OSTN: variants seen among roughly 807,000 people sequenced by gnomAD.
OSTN encodes the protein osteocrin.
OSTN carries 9 observed loss-of-function variants against 12.0 expected under a neutral mutation model. That is an observed-to-expected ratio of 0.75 (90% CI 0.45 to 1.30). The LOEUF is 1.30. OSTN is among the 50% of genes most tolerant of loss of function. The pLI is 0.00. For synonymous variants in OSTN, 59 were observed against 56.9 expected, an observed-to-expected ratio of 1.04 and a Z score of -0.16; for missense variants, 148 against 152.3, an observed-to-expected ratio of 0.97 and a Z score of 0.15.
intron 4 of OSTN, among the ~76,000 whole-genome samples, chr3:191,259,499 A>ATTT (rs34400942): frequency 2.7e-5 from 4 of 149,418 alleles, no homozygotes; most frequent in African/African-American, 9.8e-5. Context: ...CCTTGCCTGG[A>ATTT]TTTTTTTTTT....
chr3:191,211,572 G>A, intron 1 of OSTN, among the ~76,000 whole-genome samples: 1 of 152,054 alleles, frequency 6.6e-6, no homozygotes, highest in Non-Finnish European at 1.5e-5. Context: ...CAACTTTTTT[G>A]TAAAGCATCC....
intron 3 of OSTN, among the ~76,000 whole-genome samples, chr3:191,239,429 T>C (rs1394192724): frequency 1.3e-5 from 2 of 152,216 alleles, no homozygotes; most frequent in Non-Finnish European, 2.9e-5. Flanking sequence ...TAGACCCTAT[T>C]TTCCTGCCTC....
chr3:191,211,756 T>A (rs1345712375), intron 1 of OSTN, among the ~76,000 whole-genome samples: 3 of 152,194 alleles, frequency 2.0e-5, no homozygotes, highest in East Asian at 3.8e-4. Flanking sequence ...GAAGGTTTTG[T>A]CCCTTCAGTT....
chr3:191,226,098 A>G (rs1253983716), intron 3 of OSTN, among the ~76,000 whole-genome samples: 2 of 152,182 alleles, frequency 1.3e-5, no homozygotes, highest in Non-Finnish European at 2.9e-5. Flanking sequence ...AGGAAGCATT[A>G]GACTTATCTC....
intron 3 of OSTN, among the ~76,000 whole-genome samples, chr3:191,233,683 C>A (rs67001014): frequency 0.64 from 97,616 of 152,002 alleles, 31,713 homozygotes; most frequent in Middle Eastern, 0.73. Flanking sequence ...TACTATCTGA[C>A]TGACTCTTTA....
chr3:191,231,562 A>C (rs1050992981), intron 3 of OSTN, among the ~76,000 whole-genome samples: 2 of 152,144 alleles, frequency 1.3e-5, no homozygotes, highest in Non-Finnish European at 2.9e-5. Flanking sequence ...CTGCTTCCTT[A>C]TGTGTTGTTA....
intron 3 of OSTN, among the ~76,000 whole-genome samples, chr3:191,221,846 C>A (rs994942468): frequency 6.6e-6 from 1 of 152,232 alleles, no homozygotes; most frequent in Non-Finnish European, 1.5e-5. Context: ...GTCTTCACAG[C>A]AGCCCCTCCC....
At chr3:191,254,492 A>G (rs1402915275) in intron 4 of OSTN, among the ~76,000 whole-genome samples, 1 of 152,256 alleles carries the variant, frequency 6.6e-6, no homozygotes, top group Non-Finnish European at 1.5e-5. Context: ...ATTTCAGGTT[A>G]GAAAAAAATG....
At chr3:191,259,045 C>T (rs1715740227) in intron 4 of OSTN, among the ~76,000 whole-genome samples, 1 of 152,148 alleles carries the variant, frequency 6.6e-6, no homozygotes, top group South Asian at 2.1e-4. Context: ...AGAAGACTCC[C>T]AGAAAGGAGT....
intron 1 of OSTN, among the ~76,000 whole-genome samples, chr3:191,200,640 C>T (rs1415124546): frequency 6.6e-6 from 1 of 151,852 alleles, no homozygotes; most frequent in African/African-American, 2.4e-5. Flanking sequence ...TGTATTTTGT[C>T]CTTGTGAAAA....
intron 1 of OSTN, among the ~76,000 whole-genome samples, chr3:191,202,985 G>A (rs1293715727): frequency 6.6e-6 from 1 of 152,168 alleles, no homozygotes; most frequent in Non-Finnish European, 1.5e-5. Flanking sequence ...CTAAAGTTTA[G>A]AGGAATGATT....
chr3:191,262,000 T>C (rs546800138), intron 4 of OSTN, among the ~76,000 whole-genome samples: 2 of 152,304 alleles, frequency 1.3e-5, no homozygotes, highest in African/African-American at 2.4e-5. Context: ...GTGGATCACC[T>C]GAGGTCAGGA....
intron 1 of OSTN, 45 bp from the exon 2 acceptor site, chr3:191,212,488 C>T (rs1254816159): frequency 1.5e-6 from 2 of 1,330,970 alleles, no homozygotes; most frequent in Admixed American, 2.0e-5. Context: ...TTTGTCTTTA[C>T]ATTCCAAACG....
Position 191,226,198 on chromosome 3 carries a change from G to A in OSTN, c.317+7237G>A, listed in dbSNP as rs796223333. On this transcript the variant is annotated intron_variant, in intron 3 of 4. Coordinates refer to ENST00000682035, the MANE Select transcript of OSTN (RefSeq NM_198184.2). ...TAAAAATATAATGCATCTTGACCAAGGGGGGTTTATTCCAGGAAAGTAAAT... is the reference window on the plus strand; with the variant it reads ...TAAAAATATAATGCATCTTGACCAAAGGGGGTTTATTCCAGGAAAGTAAAT... Among the ~76,000 whole-genome samples, 8 of 151,988 alleles carry A rather than the reference G, an allele frequency of 5.3e-5. 1 individual carries two copies. In the South Asian group the frequency reaches 6.2e-4, roughly 12 times the overall value.
intron 4 of OSTN, among the ~76,000 whole-genome samples, chr3:191,257,539 A>G (rs1715699795): frequency 6.6e-6 from 1 of 152,172 alleles, no homozygotes; most frequent in South Asian, 2.1e-4. Flanking sequence ...GATAGGAAAG[A>G]TGGACCAGGT....
intron 3 of OSTN, among the ~76,000 whole-genome samples, chr3:191,247,675 T>C (rs1002223714): frequency 1.3e-5 from 2 of 152,214 alleles, no homozygotes; most frequent in Non-Finnish European, 2.9e-5. Flanking sequence ...TAGCCTTTTA[T>C]ACAACAGCAC....
At chr3:191,219,251 T>A (rs887515966) in intron 3 of OSTN, among the ~76,000 whole-genome samples, 3 of 152,084 alleles carry the variant, frequency 2.0e-5, no homozygotes, top group Non-Finnish European at 4.4e-5. Context: ...ATTTGGGAGG[T>A]GGCGCAAAAT....
At chr3:191,226,273 C>A (rs954259515) in intron 3 of OSTN, among the ~76,000 whole-genome samples, 1 of 151,848 alleles carries the variant, frequency 6.6e-6, no homozygotes, top group East Asian at 1.9e-4. Context: ...ATTAATACAA[C>A]AATAGATAAA....
At chr3:191,217,782 G>A (rs909879883) in intron 2 of OSTN, among the ~76,000 whole-genome samples, 2 of 152,188 alleles carry the variant, frequency 1.3e-5, no homozygotes, top group African/African-American at 4.8e-5. Context: ...CACAGGGATA[G>A]AGATGGTGAG....
Sources: gnomAD v4.1 joint callset for allele counts (sites outside exome capture counted in the v4.1 genomes callset) on GRCh38, gnomAD v4.1.1 for gene constraint, MANE v1.5 for transcripts, NCBI Gene and HGNC (gene_info 2026-07-23, HGNC 2026-07-21) for gene names.